Variants in PCDHB2 observed in about 807,000 individuals in gnomAD.
The protein encoded by PCDHB2 is protocadherin beta 2.
For missense variants in PCDHB2, 914 were observed against 1,023.1 expected (o/e 0.89, Z 1.45); for synonymous variants, 395 against 464.9 (o/e 0.85, Z 1.93).
chr5:141,094,651 A>C lies in PCDHB2; in HGVS notation c.-140A>C. On this transcript the variant is annotated 5_prime_UTR_variant, in exon 1 of 1. Transcript: ENST00000194155. ...TAAAGAAGCAGCAAGCAGGAAGAGGAGGCTTTCTAAGGCGGTCGCTCCGGG... is the reference window on the plus strand; with the variant it reads ...TAAAGAAGCAGCAAGCAGGAAGAGGCGGCTTTCTAAGGCGGTCGCTCCGGG... 3.4e-6 allele frequency: 2 copies of C among 596,182 alleles called. No homozygotes were observed. Among genetic ancestry groups the C allele is most frequent in the Non-Finnish European group, 2.8e-6 (1 of 353,070 alleles). The allele number at this position is 596,182 out of a possible 1,614,324, so 36.9% of individuals were successfully genotyped here.
Position 141,095,553 on chromosome 5 carries a change from G to A in PCDHB2, c.763G>A (p.Glu255Lys). The change falls in exon 1 of 1, where the codon GAG (glutamate) becomes AAG (lysine). Residue 255 changes from glutamate to lysine, a missense_variant. Glu to Lys is a moderately conservative substitution (Grantham distance 56). Transcript: ENST00000194155. ...AKLLYEVQIP[E>K]DSPVGSQVAI... is the part of the protein sequence containing the mutation. ...GCTGCTCTATGAGGTGCAGATCCCGGAGGACAGCCCCGTTGGATCCCAGGT... is the reference window on the plus strand; with the variant it reads ...GCTGCTCTATGAGGTGCAGATCCCGAAGGACAGCCCCGTTGGATCCCAGGT... 1 of 1,614,088 alleles carries A rather than the reference G, an allele frequency of 6.2e-7. No homozygotes were observed.
In PCDHB2 at chr5:141,095,053, TA is replaced by T; in HGVS notation, c.266del (p.Asn89MetfsTer24). 1 of 1,614,090 alleles carries T rather than the reference TA, an allele frequency of 6.2e-7. No homozygotes were observed. On this transcript the variant is annotated frameshift_variant, in exon 1 of 1. Coordinates refer to ENST00000194155, the MANE Select transcript of PCDHB2 (RefSeq NM_018936.4). LOFTEE classifies it low-confidence loss of function (END_TRUNC). The stretch of plus-strand genomic sequence containing the variant: ...GATAGGCAGACCGGGGATTTGTTGT[TA>T]AATGAGAAATTGGACCGGGAGGAGC... ...QFDRQTGDLL[L>X]NEKLDREELC...
Position 141,095,406 on chromosome 5 carries a change from G to C in PCDHB2, c.616G>C (p.Glu206Gln), listed in dbSNP as rs782773506. The C allele has an allele frequency of 9.9e-6, 16 of 1,613,982 alleles. 1 individual carries two copies. The South Asian group carries it at 1.8e-4, about 18-fold the overall frequency. The change falls in exon 1 of 1, where the codon GAG becomes CAG. Residue 206 changes from glutamate (E) to glutamine (Q), a missense_variant. Physicochemically the swap from Glu to Gln is conservative, Grantham distance 29. Coordinates refer to ENST00000194155, the MANE Select transcript of PCDHB2 (RefSeq NM_018936.4). The stretch of plus-strand genomic sequence containing the variant: ...GCTGAACAGAGCCCTGGATCGCGAG[G>C]AGCAGCCTGAGATCAGGTTAACCCT... Reference protein sequence around the residue: ...LVLNRALDREEQPEIRLTLTA... With the variant: ...LVLNRALDREQQPEIRLTLTA...
Position 141,095,093 on chromosome 5 carries a change from A to G in PCDHB2, c.303A>G (p.Thr101=). ...ACCGGGAGGAGCTGTGCGGCCCCAC[A>G]GAGCCCTGTGTCCTACCTTTCCAGG... ...KLDREELCGP[T]EPCVLPFQVL... The change falls in exon 1 of 1, where the codon ACA becomes ACG. Residue 101 remains threonine, a synonymous_variant. Transcript: ENST00000194155. 4 of 1,614,218 alleles carry G rather than the reference A, an allele frequency of 2.5e-6. No individual in the cohort carries two copies. Among genetic ancestry groups the G allele is most frequent in the African/African-American group, 1.3e-5 (1 of 75,060 alleles).
At position 141,097,078 on chromosome 5, in the gene PCDHB2, C is replaced by A. The variant is rs1554271716; in HGVS notation, c.2288C>A (p.Thr763Lys). The A allele has an allele frequency of 6.2e-7, 1 of 1,612,748 alleles. No individual in the cohort carries two copies. Among genetic ancestry groups the A allele is most frequent in the Non-Finnish European group, 8.5e-7 (1 of 1,179,184 alleles). Reference protein sequence around the residue: ...YEVCLTGGSGTNEFKFLKPII... With the variant: ...YEVCLTGGSGKNEFKFLKPII... ...GTGTGTCTGACTGGAGGCTCCGGGA[C>A]AAATGAGTTCAAGTTCCTGAAGCCA... is the stretch of plus-strand genomic sequence containing the variant. Residue 763 changes from threonine to lysine, a missense_variant, in exon 1 of 1, where the codon ACA becomes AAA. Coordinates refer to ENST00000194155, the MANE Select transcript of PCDHB2 (RefSeq NM_018936.4).
Position 141,096,599 on chromosome 5 carries a change from G to T in PCDHB2, c.1809G>T (p.Trp603Cys), listed in dbSNP as rs782093936. Residue 603 changes from tryptophan to cysteine, a missense_variant, in exon 1 of 1, where the codon TGG becomes TGT. Trp to Cys is a radical substitution (Grantham distance 215). Coordinates refer to ENST00000194155, the MANE Select transcript of PCDHB2 (RefSeq NM_018936.4). ...AVDGDSGQNA[W>C]LSYQLLKATE... The stretch of plus-strand genomic sequence containing the variant: ...ACGGCGACTCGGGCCAGAACGCCTG[G>T]CTGTCGTACCAGCTGCTCAAGGCCA... The T allele has an allele frequency of 1.2e-5, 20 of 1,606,540 alleles. No homozygotes were observed. The highest frequency in any genetic ancestry group is 4.2e-6 in the Non-Finnish European group (5 of 1,179,092).
chr5:141,095,084 C>T lies in PCDHB2; in HGVS notation c.294C>T (p.Cys98=). The change falls in exon 1 of 1, where the codon TGC becomes TGT. Residue 98 remains cysteine (C), a synonymous_variant. Coordinates refer to ENST00000194155, the MANE Select transcript of PCDHB2 (RefSeq NM_018936.4). ...LNEKLDREEL[C]GPTEPCVLPF... is the part of the protein sequence containing the mutation. The stretch of plus-strand genomic sequence containing the variant: ...AGAAATTGGACCGGGAGGAGCTGTG[C>T]GGCCCCACAGAGCCCTGTGTCCTAC... 1 of 1,614,094 alleles carries T rather than the reference C, an allele frequency of 6.2e-7. No homozygotes were observed. Among genetic ancestry groups the T allele is most frequent in the Non-Finnish European group, 8.5e-7 (1 of 1,180,006 alleles).
rs1396880326 is a variant in PCDHB2, at chr5:141,094,682, C to T, written c.-109C>T. On this transcript the variant is annotated 5_prime_UTR_variant, in exon 1 of 1. Transcript: ENST00000194155. ...TCTAAGGCGGTCGCTCCGGGAAATC[C>T]GGGCCCTAGGATTGTCCACTCATCC... The T allele has an allele frequency of 5.8e-6, 5 of 869,512 alleles. No individual in the cohort carries two copies. The highest frequency in any genetic ancestry group is 6.9e-6 in the Non-Finnish European group (4 of 583,228). 53.9% of individuals were successfully genotyped at this position (869,512 alleles called of 1,614,324 possible).
chr5:141,097,353 A>G lies in PCDHB2; in HGVS notation c.*166A>G. 2.8e-6 allele frequency: 2 copies of G among 727,084 alleles called. No homozygotes were observed. Among genetic ancestry groups the G allele is most frequent in the Non-Finnish European group, 4.2e-6 (2 of 472,934 alleles). The allele number at this position is 727,084 out of a possible 1,614,324, so 45.0% of individuals were successfully genotyped here. Reference sequence around the variant, plus strand: ...AATGTATGAGTTTTTTTGCGGTATAATAAATGTAAATTTTCTTTGTATTCT... The same window carrying G: ...AATGTATGAGTTTTTTTGCGGTATAGTAAATGTAAATTTTCTTTGTATTCT... On this transcript the variant is annotated 3_prime_UTR_variant, in exon 1 of 1. Coordinates refer to ENST00000194155, the MANE Select transcript of PCDHB2 (RefSeq NM_018936.4).
rs781875208 is a variant in PCDHB2 at position 141,095,230 on chromosome 5, G to A, written c.440G>A (p.Ser147Asn). The A allele has an allele frequency of 6.2e-7, 1 of 1,613,172 alleles. No individual in the cohort carries two copies. The highest frequency in any genetic ancestry group is 2.2e-5 in the East Asian group (1 of 44,866). ...GAAATACTTTTGAAAATTCCAGAAA[G>A]TATCACTCCTGGAACTACTTTCTTA... The part of the protein sequence containing the change: ...DKEILLKIPE[S>N]ITPGTTFLIE... Residue 147 changes from serine (S) to asparagine (N), a missense_variant, in exon 1 of 1, where the codon AGT becomes AAT. Ser to Asn is a conservative substitution (Grantham distance 46). Transcript: ENST00000194155.
chr5:141,094,740 G>C lies in PCDHB2; in HGVS notation c.-51G>C, dbSNP rs1751761728. Reference sequence around the variant, plus strand: ...AGCGAGATACGGGGAGATAGAGTTAGCGACAACGTGAGCCAGAGCTGGAGC... The same window carrying C: ...AGCGAGATACGGGGAGATAGAGTTACCGACAACGTGAGCCAGAGCTGGAGC... On this transcript the variant is annotated 5_prime_UTR_variant, in exon 1 of 1. Transcript: ENST00000194155. The C allele has an allele frequency of 7.1e-7, 1 of 1,406,798 alleles. No homozygotes were observed. Among genetic ancestry groups the C allele is most frequent in the Non-Finnish European group, 9.7e-7 (1 of 1,033,284 alleles). The allele number at this position is 1,406,798 out of a possible 1,614,324, so 87.1% of individuals were successfully genotyped here.
chr5:141,094,927 T>C lies in PCDHB2; in HGVS notation c.137T>C (p.Phe46Ser). Reference protein sequence around the residue: ...SVAEETESGSFVANLLKDLGL... With the variant: ...SVAEETESGSSVANLLKDLGL... ...GCCGAGGAAACGGAGAGTGGCTCCTTTGTGGCCAATTTGTTAAAAGACCTG... is the reference window on the plus strand; with the variant it reads ...GCCGAGGAAACGGAGAGTGGCTCCTCTGTGGCCAATTTGTTAAAAGACCTG... The change falls in exon 1 of 1, where the codon TTT becomes TCT. Residue 46 changes from phenylalanine to serine, a missense_variant. Transcript: ENST00000194155. 6.2e-7 allele frequency: 1 copy of C among 1,614,140 alleles called. No individual in the cohort carries two copies. The highest frequency in any genetic ancestry group is 1.7e-5 in the Admixed American group (1 of 60,014).
At position 141,096,485 on chromosome 5, in the gene PCDHB2, C is replaced by T. The variant is rs202047913; in HGVS notation, c.1695C>T (p.Tyr565=). The change falls in exon 1 of 1, where the codon TAC becomes TAT. Residue 565 remains tyrosine, a synonymous_variant. Transcript: ENST00000194155. ...DANDNSPFVL[Y]PLQNGSAPCT... is the part of the protein sequence containing the mutation. Reference sequence around the variant, plus strand: ...ACGACAACTCGCCCTTCGTGCTGTACCCGCTGCAGAACGGCTCCGCGCCCT... The same window carrying T: ...ACGACAACTCGCCCTTCGTGCTGTATCCGCTGCAGAACGGCTCCGCGCCCT... The T allele has an allele frequency of 1.6e-5, 25 of 1,609,526 alleles. No individual in the cohort carries two copies. The highest frequency in any genetic ancestry group is 1.2e-4 in the African/African-American group (9 of 74,074).
chr5:141,095,879 G>T lies in PCDHB2; in HGVS notation c.1089G>T (p.Gln363His). 6.2e-7 allele frequency: 1 copy of T among 1,613,906 alleles called. No individual in the cohort carries two copies. The highest frequency in any genetic ancestry group is 8.5e-7 in the Non-Finnish European group (1 of 1,179,890). ...TCAATCAGATCCCAGAAAACTTGCA[G>T]GACACCCTCATTGCTGTATTCAGCG... ...TLINQIPENL[Q>H]DTLIAVFSVS... is the part of the protein sequence containing the mutation. The change falls in exon 1 of 1, where the codon CAG becomes CAT. Residue 363 changes from glutamine (Q) to histidine (H), a missense_variant. Physicochemically the swap from Gln to His is conservative, Grantham distance 24 (BLOSUM62 0). Coordinates refer to ENST00000194155, the MANE Select transcript of PCDHB2 (RefSeq NM_018936.4).
In PCDHB2 at chr5:141,096,638, G is replaced by A. The variant is rs201488286; in HGVS notation, c.1848G>A (p.Leu616=). 6.2e-5 allele frequency: 100 copies of A among 1,608,352 alleles called. No individual in the cohort carries two copies. Among genetic ancestry groups the A allele is most frequent in the Admixed American group, 5.0e-4 (30 of 59,962 alleles). The change falls in exon 1 of 1, where the codon CTG becomes CTA. Residue 616 remains leucine (L), a synonymous_variant. Coordinates refer to ENST00000194155, the MANE Select transcript of PCDHB2 (RefSeq NM_018936.4). ...TGCTCAAGGCCACGGAGCCCGGGCTGTTCGGCGTGTGGGCGCACAATGGCG... is the reference window on the plus strand; with the variant it reads ...TGCTCAAGGCCACGGAGCCCGGGCTATTCGGCGTGTGGGCGCACAATGGCG... The part of the protein sequence containing the change: ...YQLLKATEPG[L]FGVWAHNGEV...
rs200380729 is a variant in PCDHB2 at position 141,095,883 on chromosome 5, A to G, written c.1093A>G (p.Thr365Ala). 4 of 1,613,866 alleles carry G rather than the reference A, an allele frequency of 2.5e-6. No individual in the cohort carries two copies. Among genetic ancestry groups the G allele is most frequent in the Admixed American group, 3.3e-5 (2 of 59,966 alleles). Residue 365 changes from threonine (T) to alanine (A), a missense_variant, in exon 1 of 1, where the codon ACC becomes GCC. Coordinates refer to ENST00000194155, the MANE Select transcript of PCDHB2 (RefSeq NM_018936.4). Reference sequence around the variant, plus strand: ...TCAGATCCCAGAAAACTTGCAGGACACCCTCATTGCTGTATTCAGCGTTTC... The same window carrying G: ...TCAGATCCCAGAAAACTTGCAGGACGCCCTCATTGCTGTATTCAGCGTTTC... ...INQIPENLQDTLIAVFSVSDP... is the reference protein window; with the variant it reads ...INQIPENLQDALIAVFSVSDP...
chr5:141,095,603 A>G lies in PCDHB2; in HGVS notation c.813A>G (p.Leu271=), dbSNP rs1751793548. ...TTGCCATCGTCTCTGCCAGGGATTT[A>G]GACATTGGAACTAATGGAGAAATAT... The part of the protein sequence containing the change: ...SQVAIVSARD[L]DIGTNGEISY... Residue 271 remains leucine (L), a synonymous_variant, in exon 1 of 1, where the codon TTA becomes TTG. Transcript: ENST00000194155. 2.5e-6 allele frequency: 4 copies of G among 1,614,108 alleles called. No homozygotes were observed. The highest frequency in any genetic ancestry group is 1.7e-5 in the Admixed American group (1 of 60,014).
Position 141,095,578 on chromosome 5 carries a change from T to C in PCDHB2, c.788T>C (p.Val263Ala), listed in dbSNP as rs143044525. 2.2e-5 allele frequency: 35 copies of C among 1,614,044 alleles called. No individual in the cohort carries two copies. Among genetic ancestry groups the C allele is most frequent in the Non-Finnish European group, 2.7e-5 (32 of 1,180,034 alleles). Reference protein sequence around the residue: ...IPEDSPVGSQVAIVSARDLDI... With the variant: ...IPEDSPVGSQAAIVSARDLDI... Reference sequence around the variant, plus strand: ...GAGGACAGCCCCGTTGGATCCCAGGTTGCCATCGTCTCTGCCAGGGATTTA... The same window carrying C: ...GAGGACAGCCCCGTTGGATCCCAGGCTGCCATCGTCTCTGCCAGGGATTTA... Residue 263 changes from valine to alanine, a missense_variant, in exon 1 of 1, where the codon GTT becomes GCT. Coordinates refer to ENST00000194155, the MANE Select transcript of PCDHB2 (RefSeq NM_018936.4).
In PCDHB2 at chr5:141,096,702, G is replaced by A; in HGVS notation, c.1912G>A (p.Ala638Thr). ...TARLLRERDA[A>T]KQRLVVLVKD... ...CAGGCTGCTGAGGGAGCGCGACGCTGCCAAGCAGAGGCTGGTGGTGCTGGT... is the reference window on the plus strand; with the variant it reads ...CAGGCTGCTGAGGGAGCGCGACGCTACCAAGCAGAGGCTGGTGGTGCTGGT... Residue 638 changes from alanine to threonine, a missense_variant, in exon 1 of 1, where the codon GCC becomes ACC. Ala to Thr is a moderately conservative substitution (Grantham distance 58, BLOSUM62 0). Transcript: ENST00000194155. 1.2e-6 allele frequency: 2 copies of A among 1,610,626 alleles called. No homozygotes were observed. Among genetic ancestry groups the A allele is most frequent in the Non-Finnish European group, 1.7e-6 (2 of 1,179,672 alleles).
Sources: gnomAD v4.1 joint callset for allele counts on GRCh38, gnomAD v4.1.1 for gene constraint, MANE v1.5 for transcripts, NCBI Gene and HGNC (gene_info 2026-07-23, HGNC 2026-07-21) for gene names.